The following RASSF8 variants were observed in gnomAD, a reference collection of about 807,000 sequenced individuals.
RASSF8 encodes the protein ras association domain-containing protein 8.
Under a neutral mutation model 48.5 loss-of-function variants are expected in RASSF8, and 22 were observed. The ratio of observed to expected loss-of-function variants is 0.45; its 90% CI spans 0.32 to 0.65. The LOEUF is 0.65. Among genes scored for constraint, RASSF8 ranks in the 30% least tolerant of loss-of-function variants. RASSF8 has a pLI of 0.03. For synonymous variants in RASSF8, 127 were observed against 171.5 expected (o/e 0.74, Z 2.03); for missense variants, 418 against 489.2 (o/e 0.85, Z 1.37).
At chr12:26,073,103 T>A (rs1378479652), downstream of RASSF8, among the ~76,000 whole-genome samples, 2 of 152,212 alleles carry the variant, frequency 1.3e-5, no homozygotes, top group Non-Finnish European at 2.9e-5. Flanking sequence ...TCTTAATGAA[T>A]CTCTGTATTC....
intron 2 of RASSF8, among the ~76,000 whole-genome samples, chr12:26,032,345 C>T (rs554097231): frequency 6.6e-6 from 1 of 152,234 alleles, no homozygotes; most frequent in African/African-American, 2.4e-5. Flanking sequence ...GTTTTTCGTA[C>T]TCATAGCAGG....
chr12:26,053,916 C>G (rs1488130247), intron 2 of RASSF8, among the ~76,000 whole-genome samples: 1 of 152,192 alleles, frequency 6.6e-6, no homozygotes, highest in Non-Finnish European at 1.5e-5. Context: ...TCTGACTTAC[C>G]TATCCAGGTG....
intron 1 of RASSF8, among the ~76,000 whole-genome samples, chr12:25,968,858 G>C (rs1941418761): frequency 6.6e-6 from 1 of 152,220 alleles, no homozygotes; most frequent in Non-Finnish European, 1.5e-5. Flanking sequence ...GATTGAAAAT[G>C]CTAGGGGTGG....
chr12:26,070,681 T>C lies in RASSF8; in HGVS notation c.*1863T>C. ...GATTTACATATGCCCAATATATGCC[T>C]TATTTTTAAATAAGTCATTCTGTAT... On this transcript the variant is annotated 3_prime_UTR_variant, in exon 6 of 6. Coordinates refer to ENST00000689635, the MANE Select transcript of RASSF8 (RefSeq NM_001394098.1). The C allele has an allele frequency of 3.2e-6, 3 of 948,496 alleles. No homozygotes were observed. Among genetic ancestry groups the C allele is most frequent in the Non-Finnish European group, 3.8e-6 (3 of 796,564 alleles). The allele number at this position is 948,496 out of a possible 1,614,324, so 58.8% of individuals were successfully genotyped here.
chr12:26,001,416 C>A (rs149642173), intron 2 of RASSF8, among the ~76,000 whole-genome samples: 1 of 152,094 alleles, frequency 6.6e-6, no homozygotes, highest in East Asian at 1.9e-4. Context: ...TACTATATAA[C>A]TTTTTTACTT....
At chr12:26,066,850 A>G (rs1043777664) in intron 4 of RASSF8, among the ~76,000 whole-genome samples, 2 of 152,208 alleles carry the variant, frequency 1.3e-5, no homozygotes, top group African/African-American at 4.8e-5. Context: ...GAAAGAAATG[A>G]AAAGCTGTTT....
chr12:25,970,222 A>G (rs1316104205), intron 1 of RASSF8, among the ~76,000 whole-genome samples: 2 of 149,570 alleles, frequency 1.3e-5, no homozygotes, highest in Non-Finnish European at 1.5e-5. Context: ...CATTGTTTTT[A>G]CTCCAACCTT....
At chr12:25,998,144 T>G (rs533469990) in intron 2 of RASSF8, among the ~76,000 whole-genome samples, 1 of 152,222 alleles carries the variant, frequency 6.6e-6, no homozygotes, top group Admixed American at 6.5e-5. Flanking sequence ...GAGAATGTTA[T>G]GACTTCCCTA....
chr12:26,056,690 T>C (rs543982487), intron 3 of RASSF8, among the ~76,000 whole-genome samples: 1 of 152,366 alleles, frequency 6.6e-6, no homozygotes, highest in East Asian at 1.9e-4. Flanking sequence ...TTGACATCTT[T>C]TGATTTTTCC....
rs118009190 is a variant in RASSF8, at chr12:25,963,203, G to T, written c.-203+4055G>T. Among the ~76,000 whole-genome samples, 386 of 150,696 alleles carry T rather than the reference G, an allele frequency of 2.6e-3. 8 individuals are homozygous for T. In the East Asian group the frequency reaches 0.056, roughly 22 times the overall value. ...GTTGATGTGACTTGCATGGTAACCA[G>T]ACATCACTGGACCATACACTTAAGA... On this transcript the variant is annotated intron_variant, in intron 1 of 5. Transcript: ENST00000689635.
chr12:26,050,854 T>C (rs958373457), intron 2 of RASSF8, among the ~76,000 whole-genome samples: 1 of 152,220 alleles, frequency 6.6e-6, no homozygotes, highest in Non-Finnish European at 1.5e-5. Context: ...AATTAATTCT[T>C]TGCAGTTTCT....
intron 1 of RASSF8, among the ~76,000 whole-genome samples, chr12:25,985,077 G>A (rs560258301): frequency 6.6e-6 from 1 of 152,234 alleles, no homozygotes; most frequent in African/African-American, 2.4e-5. Context: ...CTCATTATTG[G>A]TGGTTTTGAC....
chr12:26,055,096 C>A, intron 2 of RASSF8, 140 bp from the exon 3 acceptor site: 2 of 457,680 alleles, frequency 4.4e-6, no homozygotes, highest in South Asian at 5.9e-5. Flanking sequence ...ATTTGTGTTG[C>A]TTAATTCATT....
chr12:25,983,871 A>G (rs11048368), intron 1 of RASSF8, among the ~76,000 whole-genome samples: 72,837 of 151,954 alleles, frequency 0.48, 18,098 homozygotes, highest in Non-Finnish European at 0.56. Context: ...GCGAGCCTCA[A>G]CCCATACCCG....
In RASSF8 at chr12:26,070,436, T is replaced by C. The variant is rs989767337; in HGVS notation, c.*1618T>C. 1 of 985,286 alleles carries C rather than the reference T, an allele frequency of 1.0e-6. No individual in the cohort carries two copies. Among genetic ancestry groups the C allele is most frequent in the African/African-American group, 1.7e-5 (1 of 57,240 alleles). The allele number at this position is 985,286 out of a possible 1,614,324, so 61.0% of individuals were successfully genotyped here. On this transcript the variant is annotated 3_prime_UTR_variant, in exon 6 of 6. Transcript: ENST00000689635. Reference sequence around the variant, plus strand: ...AGTTGCCTTTTCTAGTGCAGCTAAGTGGCGGACCTCAACTGAAGATATGAG... The same window carrying C: ...AGTTGCCTTTTCTAGTGCAGCTAAGCGGCGGACCTCAACTGAAGATATGAG...
chr12:25,971,575 A>G (rs1026826157), intron 1 of RASSF8, among the ~76,000 whole-genome samples: 1 of 149,784 alleles, frequency 6.7e-6, no homozygotes, highest in African/African-American at 2.6e-5. Context: ...ATATGGAAAA[A>G]AAAGAAAAAA....
Position 25,972,091 on chromosome 12 carries a change from G to A in RASSF8, c.-203+12943G>A, listed in dbSNP as rs181777337. Among the ~76,000 whole-genome samples, 10 of 152,234 alleles carry A rather than the reference G, an allele frequency of 6.6e-5. No individual in the cohort carries two copies. The East Asian group carries it at 1.9e-3, about 29-fold the overall frequency. On this transcript the variant is annotated intron_variant, in intron 1 of 5. Transcript: ENST00000689635. ...TAAAACAGGACCATGCCAAACTGCC[G>A]GTAGACACTAAGTGTGAAGACCAAA...
At chr12:25,993,765 A>G (rs76203140) in intron 1 of RASSF8, among the ~76,000 whole-genome samples, 1 of 152,212 alleles carries the variant, frequency 6.6e-6, no homozygotes, top group Non-Finnish European at 1.5e-5. Context: ...CTCTAACTCA[A>G]CATCTGGTAT....
chr12:25,985,158 G>A (rs916727861), intron 1 of RASSF8, among the ~76,000 whole-genome samples: 2 of 152,106 alleles, frequency 1.3e-5, no homozygotes, highest in South Asian at 2.1e-4. Context: ...ACTTTTTGCC[G>A]CACCAATCAG....
Sources: allele counts gnomAD v4.1 joint callset (sites outside exome capture counted in the v4.1 genomes callset), GRCh38; gene constraint gnomAD v4.1.1; transcripts MANE v1.5; gene names NCBI Gene and HGNC (gene_info 2026-07-23, HGNC 2026-07-21).